The following BPNT2 variants were observed in gnomAD, a reference collection of about 807,000 sequenced individuals.
BPNT2 encodes the protein Golgi-resident adenosine 3',5'-bisphosphate 3'-phosphatase.
A neutral mutation model predicts 29.3 loss-of-function variants in BPNT2; 11 were observed. That is an observed-to-expected ratio of 0.38 (90% CI 0.24 to 0.62). The LOEUF (loss-of-function observed/expected upper bound fraction) is 0.62. Ranked by LOEUF, BPNT2 falls within the 20% of genes least tolerant of loss-of-function variation. The pLI is 0.62. For synonymous variants in BPNT2, 195 were observed against 187.7 expected (o/e 1.04, Z -0.32); for missense variants, 459 against 473.4 (o/e 0.97, Z 0.28).
intron 3 of BPNT2, among the ~76,000 whole-genome samples, chr8:56,966,793 A>C (rs988227897): frequency 6.6e-6 from 1 of 152,212 alleles, no homozygotes. Flanking sequence ...CTGCAACATA[A>C]GCACAAGTAA....
rs755705861 is a variant in BPNT2 at position 56,980,819 on chromosome 8, T to TATACACACACACACAC, written c.388-623_388-622insGTGTGTGTGTGTGTAT. Among the ~76,000 whole-genome samples, 793 of 141,474 alleles carry TATACACACACACACAC rather than the reference T, an allele frequency of 5.6e-3. 7 individuals are homozygous for TATACACACACACACAC. The highest frequency in any genetic ancestry group is 0.019 in the South Asian group (81 of 4,374). The allele number at this position is 141,474 out of a possible 152,430, so 92.8% of individuals were successfully genotyped here. A position where few individuals can be genotyped will look rare whatever the true frequency, so the allele number is the denominator to read the frequency against. On this transcript the variant is annotated intron_variant, in intron 1 of 4. Transcript: ENST00000262644. ...CCCCACACCCTTACATACATACATA[T>TATACACACACACACAC]ACACACACACACACACACACACACA... is the stretch of plus-strand genomic sequence containing the variant.
intron 3 of BPNT2, among the ~76,000 whole-genome samples, chr8:56,975,757 T>C (rs1158277898): frequency 6.6e-6 from 1 of 152,200 alleles, no homozygotes; most frequent in Non-Finnish European, 1.5e-5. Flanking sequence ...TTAAACACGA[T>C]ATAAATGTTA....
At chr8:56,990,750 A>G (rs946398571) in intron 1 of BPNT2, among the ~76,000 whole-genome samples, 2 of 152,134 alleles carry the variant, frequency 1.3e-5, no homozygotes, top group Admixed American at 1.3e-4. Flanking sequence ...ACGTTGTCAA[A>G]TGTCAGTTAG....
intron 1 of BPNT2, among the ~76,000 whole-genome samples, chr8:56,984,559 G>C (rs915347127): frequency 6.6e-6 from 1 of 152,070 alleles, no homozygotes; most frequent in Non-Finnish European, 1.5e-5. Flanking sequence ...TTCTACAATA[G>C]TCCTCAATTG....
chr8:56,976,147 T>G (rs1806129532), intron 3 of BPNT2, among the ~76,000 whole-genome samples: 1 of 152,158 alleles, frequency 6.6e-6, no homozygotes, highest in Non-Finnish European at 1.5e-5. Flanking sequence ...GTGGGAAATG[T>G]CCTCCACGTC....
chr8:56,978,061 G>GA lies in BPNT2; in HGVS notation c.634dup (p.Ser212PhefsTer23). 1 of 1,594,406 alleles carries GA rather than the reference G, an allele frequency of 6.3e-7. No homozygotes were observed. The highest frequency in any genetic ancestry group is 8.6e-7 in the Non-Finnish European group (1 of 1,162,510). ...AGCAAATTTCATACCTGTATATTCG[G>GA]AAAATGGCTTATGTATAACTCCTAG... On this transcript the variant is annotated frameshift_variant, in exon 3 of 5. Transcript: ENST00000262644. LOFTEE classifies it high-confidence loss of function.
chr8:56,980,819 T>TACACACACACACACAC (rs71258552), intron 1 of BPNT2, among the ~76,000 whole-genome samples: 139 of 141,508 alleles, frequency 9.8e-4, no homozygotes, highest in African/African-American at 3.3e-3. Flanking sequence ...TACATACATA[T>TACACACACACACACAC]ACACACACAC....
intron 3 of BPNT2, among the ~76,000 whole-genome samples, chr8:56,977,691 T>TATTAGAGGCG: frequency 6.6e-6 from 1 of 152,120 alleles, no homozygotes; most frequent in South Asian, 2.1e-4. Context: ...CTGGTGTGCT[T>TATTAGAGGCG]GTAAGAGGAG....
At chr8:56,982,273 C>T (rs1240361673) in intron 1 of BPNT2, among the ~76,000 whole-genome samples, 1 of 152,034 alleles carries the variant, frequency 6.6e-6, no homozygotes, top group Non-Finnish European at 1.5e-5. Context: ...CAGGCACCCA[C>T]CACCACACCC....
At chr8:56,986,907 A>G (rs1806334310) in intron 1 of BPNT2, among the ~76,000 whole-genome samples, 1 of 152,244 alleles carries the variant, frequency 6.6e-6, no homozygotes, top group Admixed American at 6.5e-5. Context: ...GTTGGGAACC[A>G]GCTATACAAA....
Position 56,961,734 on chromosome 8 carries a change from G to T in BPNT2, c.*2059C>A, listed in dbSNP as rs1805839391. ...GTATGCCTGTAATCCCAGCTACTTG[G>T]GAGGCTGAGGCAGGAGAATCGCTTG... is the stretch of plus-strand genomic sequence containing the variant. On this transcript the variant is annotated 3_prime_UTR_variant, in exon 5 of 5. Coordinates refer to ENST00000262644, the MANE Select transcript of BPNT2 (RefSeq NM_017813.5). 1 of 152,286 alleles carries T rather than the reference G, an allele frequency of 6.6e-6. No individual in the cohort carries two copies. The highest frequency in any genetic ancestry group is 1.5e-5 in the Non-Finnish European group (1 of 68,162). The allele number at this position is 152,286 out of a possible 1,614,324, so 9.4% of individuals were successfully genotyped here. A position where few individuals can be genotyped will look rare whatever the true frequency, so the allele number is the denominator to read the frequency against.
At chr8:56,988,997 T>C (rs1396004418) in intron 1 of BPNT2, among the ~76,000 whole-genome samples, 1 of 152,138 alleles carries the variant, frequency 6.6e-6, no homozygotes, top group Non-Finnish European at 1.5e-5. Context: ...CTAACTGGTC[T>C]CCCTGTATTT....
chr8:56,976,463 A>G (rs921309736), intron 3 of BPNT2, among the ~76,000 whole-genome samples: 3 of 152,210 alleles, frequency 2.0e-5, no homozygotes, highest in Non-Finnish European at 4.4e-5. Flanking sequence ...TAAGCCATAA[A>G]GCAATTATAT....
chr8:56,987,212 T>C (rs1173511303), intron 1 of BPNT2, among the ~76,000 whole-genome samples: 3 of 152,228 alleles, frequency 2.0e-5, no homozygotes, highest in African/African-American at 4.8e-5. Flanking sequence ...TAAATCATTA[T>C]ATCCTAACCT....
At chr8:56,980,988 C>T (rs1806232423) in intron 1 of BPNT2, among the ~76,000 whole-genome samples, 1 of 146,954 alleles carries the variant, frequency 6.8e-6, no homozygotes, top group Non-Finnish European at 1.5e-5. Context: ...TTACAGATTC[C>T]TTTAAATTGA....
At chr8:56,968,230 A>G (rs1397704086) in intron 3 of BPNT2, among the ~76,000 whole-genome samples, 1 of 152,112 alleles carries the variant, frequency 6.6e-6, no homozygotes, top group Admixed American at 6.5e-5. Context: ...AAGAAACTGA[A>G]TAAAAAGAAA....
In BPNT2 at chr8:56,962,932, T is replaced by C. The variant is rs1433780801; in HGVS notation, c.*861A>G. The C allele has an allele frequency of 6.6e-6, 1 of 152,216 alleles. No individual in the cohort carries two copies. Among genetic ancestry groups the C allele is most frequent in the Non-Finnish European group, 1.5e-5 (1 of 68,046 alleles). The allele number at this position is 152,216 out of a possible 1,614,324, so 9.4% of individuals were successfully genotyped here. A position where few individuals can be genotyped will look rare whatever the true frequency, so the allele number is the denominator to read the frequency against. ...TATTCTTATAGTGCCTTACAGCATA[T>C]TTTATCGTTAATGAGAAAATGAACC... is the stretch of plus-strand genomic sequence containing the variant. On this transcript the variant is annotated 3_prime_UTR_variant, in exon 5 of 5. Coordinates refer to ENST00000262644, the MANE Select transcript of BPNT2 (RefSeq NM_017813.5).
chr8:56,970,246 C>G (rs1806009059), intron 3 of BPNT2, among the ~76,000 whole-genome samples: 1 of 152,086 alleles, frequency 6.6e-6, no homozygotes. Flanking sequence ...AATGGCGAGA[C>G]AAGTATTGTG....
chr8:56,989,191 G>T (rs1175703468), intron 1 of BPNT2, among the ~76,000 whole-genome samples: 2 of 151,396 alleles, frequency 1.3e-5, no homozygotes, highest in South Asian at 2.1e-4. Flanking sequence ...TATTCTCATG[G>T]TGAAACCCCG....
Sources: allele counts gnomAD v4.1 joint callset (sites outside exome capture counted in the v4.1 genomes callset), GRCh38; gene constraint gnomAD v4.1.1; transcripts MANE v1.5; gene names NCBI Gene and HGNC (gene_info 2026-07-23, HGNC 2026-07-21).